The following TJP2 variants were observed in gnomAD, a reference collection of about 807,000 sequenced individuals.
The protein encoded by TJP2 is tight junction protein 2, also known as Friedreich ataxia region gene X104 (tight junction protein ZO-2).
TJP2 carries 91 observed loss-of-function variants against 133.1 expected under a neutral mutation model. The observed-to-expected ratio is 0.68, with a 90% CI of 0.58 to 0.81. The LOEUF is 0.81. Ranked by LOEUF, TJP2 falls within the 40% of genes least tolerant of loss-of-function variation. The pLI, the probability that TJP2 is intolerant of heterozygous loss-of-function variation, is 0.00. For missense variants in TJP2, 1,541 were observed against 1,565.6 expected, an observed-to-expected ratio of 0.98 and a Z score of 0.26; for synonymous variants, 592 against 583.4, an observed-to-expected ratio of 1.01 and a Z score of -0.21.
chr9:69,136,476 A>G (rs1281070123), intron 1 of TJP2, among the ~76,000 whole-genome samples: 1 of 152,246 alleles, frequency 6.6e-6, no homozygotes. Flanking sequence ...TAAAATTTAT[A>G]ATACTAATCA....
At chr9:69,183,673 C>T (rs188330232) in intron 1 of TJP2, among the ~76,000 whole-genome samples, 1 of 152,002 alleles carries the variant, frequency 6.6e-6, no homozygotes, top group South Asian at 2.1e-4. Context: ...ACATGTACAC[C>T]CATTTCTCTT....
At chr9:69,171,267 T>C (rs546682542), upstream of TJP2, among the ~76,000 whole-genome samples, 26 of 152,216 alleles carry the variant, frequency 1.7e-4, no homozygotes, top group Non-Finnish European at 3.4e-4. Flanking sequence ...TTAGTTTCTC[T>C]AGAATCTGGC....
At chr9:69,171,661 G>C (rs1824686991), upstream of TJP2, among the ~76,000 whole-genome samples, 1 of 152,132 alleles carries the variant, frequency 6.6e-6, no homozygotes, top group South Asian at 2.1e-4. Context: ...AGGAATCTCA[G>C]TGCTTACACA....
chr9:69,236,113 C>T lies in TJP2; in HGVS notation c.1866C>T (p.Ser622=), dbSNP rs767982526. 1.2e-6 allele frequency: 2 copies of T among 1,614,170 alleles called. No homozygotes were observed. The highest frequency in any genetic ancestry group is 3.3e-5 in the Admixed American group (2 of 60,012). The change falls in exon 13 of 23, where the codon AGC becomes AGT. Residue 622 remains serine (S), a synonymous_variant. Coordinates refer to ENST00000377245, the MANE Select transcript of TJP2 (RefSeq NM_004817.4). Reference sequence around the variant, plus strand: ...AATGTGAGAAGGAAACTCCACAGAGCCTGGCCTTCACCAGAGGGGAGGTCT... The same window carrying T: ...AATGTGAGAAGGAAACTCCACAGAGTCTGGCCTTCACCAGAGGGGAGGTCT... ...HFECEKETPQ[S]LAFTRGEVFR...
rs1831312664 is a variant in TJP2 at position 69,251,285 on chromosome 9, A to G, written c.3242A>G (p.Lys1081Arg). The change falls in exon 21 of 23, where the codon AAA (lysine) becomes AGA (arginine). Residue 1081 changes from lysine (K) to arginine (R), a missense_variant. Transcript: ENST00000377245. Reference protein sequence around the residue: ...QDNAPKSVLGKVKIFEKMDHK... With the variant: ...QDNAPKSVLGRVKIFEKMDHK... ...AATGCTCCCAAATCAGTCCTGGGCA[A>G]AGTCAAAATATTTGAGAAGATGGAT... 4 of 1,614,074 alleles carry G rather than the reference A, an allele frequency of 2.5e-6. No individual in the cohort carries two copies. The highest frequency in any genetic ancestry group is 3.4e-6 in the Non-Finnish European group (4 of 1,180,020).
chr9:69,145,532 C>T (rs1823174916), intron 1 of TJP2: 1 of 388,762 alleles, frequency 2.6e-6, no homozygotes, highest in Non-Finnish European at 4.5e-6. Context: ...ATCTGAAAGA[C>T]GTTCTCTTTA....
At chr9:69,244,203 A>G (rs1406886783) in intron 17 of TJP2, among the ~76,000 whole-genome samples, 1 of 151,728 alleles carries the variant, frequency 6.6e-6, no homozygotes, top group African/African-American at 2.4e-5. Flanking sequence ...AAAAAAAAAA[A>G]AAAAGTATGC....
intron 13 of TJP2, 63 bp downstream of exon 13, chr9:69,236,301 C>G (rs1353300851): frequency 1.3e-6 from 2 of 1,537,388 alleles, no homozygotes; most frequent in Non-Finnish European, 1.8e-6. Context: ...AACTAGAGAC[C>G]GCCCCCCTTC....
At position 69,216,297 on chromosome 9, in the gene TJP2, C is replaced by T. The variant is rs1446887082; in HGVS notation, c.115-42C>T. ...TGCTTGTAATAAATCCTGAAAGCCA[C>T]TTATTGAAGGATTTTTAATATTTCT... On this transcript the variant is annotated intron_variant, in intron 2 of 22. Coordinates refer to ENST00000377245, the MANE Select transcript of TJP2 (RefSeq NM_004817.4). 1.9e-6 allele frequency: 3 copies of T among 1,612,994 alleles called. No individual in the cohort carries two copies. In the African/African-American group the frequency reaches 4.0e-5, roughly 21 times the overall value.
upstream of TJP2, among the ~76,000 whole-genome samples, chr9:69,173,693 G>C (rs938954020): frequency 2.6e-5 from 4 of 152,158 alleles, no homozygotes; most frequent in African/African-American, 9.7e-5. Context: ...CTCTAGACAG[G>C]ACCTAAAACT....
chr9:69,185,055 A>G (rs892309810), intron 1 of TJP2, among the ~76,000 whole-genome samples: 1 of 138,404 alleles, frequency 7.2e-6, no homozygotes, highest in Non-Finnish European at 1.5e-5. Context: ...TGGGCAGCAG[A>G]CTGATTTCTT....
At chr9:69,229,300 C>G in intron 10 of TJP2, 50 bp downstream of exon 10, 9 of 1,563,978 alleles carry the variant, frequency 5.8e-6, no homozygotes, top group Non-Finnish European at 7.9e-6. Flanking sequence ...ACAGCTCTGT[C>G]TCTGTAACTG....
At chr9:69,223,725 G>C (rs1025609578) in intron 5 of TJP2, among the ~76,000 whole-genome samples, 5 of 152,170 alleles carry the variant, frequency 3.3e-5, no homozygotes, top group Non-Finnish European at 5.9e-5. Flanking sequence ...TGACCACTAG[G>C]GGCTCGCCAT....
intron 13 of TJP2, 123 bp from the exon 14 acceptor site, chr9:69,236,823 ACTT>A: frequency 8.6e-7 from 1 of 1,156,214 alleles, no homozygotes; most frequent in Non-Finnish European, 1.3e-6. Flanking sequence ...ACCCTCTGAA[ACTT>A]CTTCATTGTC....
At chr9:69,209,949 A>G (rs1357023839) in intron 1 of TJP2, among the ~76,000 whole-genome samples, 1 of 152,098 alleles carries the variant, frequency 6.6e-6, no homozygotes, top group East Asian at 1.9e-4. Context: ...CACGTATGCT[A>G]TCAAAGAAGC....
chr9:69,121,639 G>A, exon 1 of TJP2: 1 of 153,106 alleles, frequency 6.5e-6, no homozygotes, highest in Non-Finnish European at 1.5e-5. Flanking sequence ...AGCTAGCGCC[G>A]CGCCGCCCAG....
At chr9:69,245,364 A>T (rs373539889) in intron 17 of TJP2, among the ~76,000 whole-genome samples, 18 of 152,358 alleles carry the variant, frequency 1.2e-4, no homozygotes, top group Middle Eastern at 3.4e-3. Context: ...GTACAATAAG[A>T]GGCCATGGCA....
intron 18 of TJP2, among the ~76,000 whole-genome samples, chr9:69,247,314 G>A (rs1470958166): frequency 6.6e-6 from 1 of 152,352 alleles, no homozygotes; most frequent in South Asian, 2.1e-4. Flanking sequence ...TCTCCCTCGG[G>A]GAGATAGCTC....
At chr9:69,150,698 G>A (rs1823431163) in intron 1 of TJP2, among the ~76,000 whole-genome samples, 1 of 152,208 alleles carries the variant, frequency 6.6e-6, no homozygotes, top group African/African-American at 2.4e-5. Context: ...CCCTCAGGTG[G>A]ACTGGTGATA....
Sources: gnomAD v4.1 joint callset for allele counts (sites outside exome capture counted in the v4.1 genomes callset) on GRCh38, gnomAD v4.1.1 for gene constraint, MANE v1.5 for transcripts, NCBI Gene and HGNC (gene_info 2026-07-23, HGNC 2026-07-21) for gene names.